Variants in NCAM1 observed in about 807,000 individuals in gnomAD.
NCAM1 encodes neural cell adhesion molecule 1.
A neutral mutation model predicts 109.8 loss-of-function variants in NCAM1; 14 were observed. The ratio of observed to expected loss-of-function variants is 0.13; its 90% CI spans 0.08 to 0.20. The LOEUF (loss-of-function observed/expected upper bound fraction) is 0.20. Ranked by LOEUF, NCAM1 falls within the 10% of genes least tolerant of loss-of-function variation. NCAM1 has a pLI of 1.00. For synonymous variants in NCAM1, 418 were observed against 442.9 expected (o/e 0.94, Z 0.70); for missense variants, 774 against 1,109.9 (o/e 0.70, Z 4.30).
chr11:112,997,001 G>A (rs1407297125), intron 1 of NCAM1, among the ~76,000 whole-genome samples: 1 of 152,130 alleles, frequency 6.6e-6, no homozygotes, highest in Non-Finnish European at 1.5e-5. Context: ...CGAACAGCTG[G>A]CTAAGAGCAG....
intron 1 of NCAM1, among the ~76,000 whole-genome samples, chr11:112,966,104 G>GT (rs1158652688): frequency 6.6e-6 from 1 of 152,168 alleles, no homozygotes; most frequent in Non-Finnish European, 1.5e-5. Context: ...CAGTTTAGCA[G>GT]TTATAACATA....
intron 17 of NCAM1, among the ~76,000 whole-genome samples, chr11:113,262,327 A>G (rs972866796): frequency 3.9e-5 from 6 of 152,212 alleles, no homozygotes; most frequent in Admixed American, 1.3e-4. Flanking sequence ...CAGCGATCCA[A>G]TGCATCTCCA....
chr11:113,021,193 C>T (rs1249176531), intron 1 of NCAM1, among the ~76,000 whole-genome samples: 1 of 152,198 alleles, frequency 6.6e-6, no homozygotes, highest in Non-Finnish European at 1.5e-5. Flanking sequence ...TAAGTGCTTT[C>T]GTCACATTTG....
At chr11:113,042,142 G>T (rs1465170173) in intron 1 of NCAM1, among the ~76,000 whole-genome samples, 1 of 152,138 alleles carries the variant, frequency 6.6e-6, no homozygotes, top group African/African-American at 2.4e-5. Context: ...CCTGAGCCCA[G>T]AGTCCAGCCT....
intron 14 of NCAM1, among the ~76,000 whole-genome samples, chr11:113,237,857 T>TATATATAG (rs1354047925): frequency 6.3e-5 from 7 of 110,634 alleles, no homozygotes; most frequent in Admixed American, 3.3e-4. Flanking sequence ...GGTGAGACCA[T>TATATATAG]ATATATAGAT....
chr11:113,113,673 G>A (rs781878479), intron 1 of NCAM1, among the ~76,000 whole-genome samples: 3 of 151,976 alleles, frequency 2.0e-5, no homozygotes, highest in Non-Finnish European at 2.9e-5. Context: ...GTCGTTGCTT[G>A]TTTCAGCATC....
intron 1 of NCAM1, among the ~76,000 whole-genome samples, chr11:113,019,391 C>T (rs1446091378): frequency 1.3e-5 from 2 of 152,190 alleles, no homozygotes; most frequent in Non-Finnish European, 2.9e-5. Context: ...CTAACATTTG[C>T]CTGATTTCAA....
At chr11:113,267,704 C>T (rs539950956) in intron 17 of NCAM1, among the ~76,000 whole-genome samples, 2 of 152,242 alleles carry the variant, frequency 1.3e-5, no homozygotes, top group East Asian at 1.9e-4. Context: ...AAGGGGAGGC[C>T]GCTGCCCTAC....
At chr11:113,073,282 C>G (rs782786952) in intron 1 of NCAM1, among the ~76,000 whole-genome samples, 6 of 151,918 alleles carry the variant, frequency 3.9e-5, no homozygotes, top group Non-Finnish European at 7.4e-5. Flanking sequence ...ATAACTGCAT[C>G]TCTATGGAGA....
chr11:113,144,594 G>T (rs1941946425), intron 1 of NCAM1, among the ~76,000 whole-genome samples: 1 of 152,180 alleles, frequency 6.6e-6, no homozygotes, highest in Non-Finnish European at 1.5e-5. Flanking sequence ...CAACCTAAGT[G>T]AAAAAGAGCT....
chr11:113,237,863 T>C (rs1308626866), intron 14 of NCAM1, among the ~76,000 whole-genome samples: 3 of 66,088 alleles, frequency 4.5e-5, no homozygotes, highest in Admixed American at 1.8e-4. Flanking sequence ...ACCATATATA[T>C]AGATATATAG....
chr11:113,232,221 A>G lies in NCAM1; in HGVS notation c.1292A>G (p.Gln431Arg), dbSNP rs1285458428. The G allele has an allele frequency of 1.2e-6, 2 of 1,613,590 alleles. No homozygotes were observed. The highest frequency in any genetic ancestry group is 4.5e-5 in the East Asian group (2 of 44,880). The change falls in exon 11 of 20, where the codon CAG (glutamine) becomes CGG (arginine). Residue 431 changes from glutamine (Q) to arginine (R), a missense_variant. Gln to Arg is a conservative substitution (Grantham distance 43, BLOSUM62 1). Around this residue, in one of 4 missense-constraint regions of NCAM1, gnomAD observed 523 missense variants for 784.2 expected, o/e 0.67. Coordinates refer to ENST00000316851, the MANE Select transcript of NCAM1 (RefSeq NM_181351.5). ...GCTGTGTACACTTGGGAGGGGAACCAGGTGAACATCACCTGCGAGGTATTT... is the reference window on the plus strand; with the variant it reads ...GCTGTGTACACTTGGGAGGGGAACCGGGTGAACATCACCTGCGAGGTATTT... ...PVAVYTWEGN[Q>R]VNITCEVFAY...
At chr11:113,241,352 G>A (rs563074425) in intron 14 of NCAM1, among the ~76,000 whole-genome samples, 23 of 152,290 alleles carry the variant, frequency 1.5e-4, no homozygotes, top group South Asian at 1.5e-3. Context: ...AAAATAAACA[G>A]TGTCTGGCAG....
At chr11:113,095,843 G>C (rs1939571607) in intron 1 of NCAM1, among the ~76,000 whole-genome samples, 1 of 152,132 alleles carries the variant, frequency 6.6e-6, no homozygotes, top group African/African-American at 2.4e-5. Context: ...GTGTGACCTT[G>C]AGCAAATTCC....
At chr11:113,143,133 C>G (rs1215356646) in intron 1 of NCAM1, among the ~76,000 whole-genome samples, 4 of 152,254 alleles carry the variant, frequency 2.6e-5, no homozygotes, top group East Asian at 3.9e-4. Context: ...CACGAATTCT[C>G]TAGTATCGTG....
chr11:113,249,887 A>T (rs1262363839), intron 15 of NCAM1, among the ~76,000 whole-genome samples: 1 of 152,146 alleles, frequency 6.6e-6, no homozygotes, highest in Non-Finnish European at 1.5e-5. Context: ...TCACATTCAT[A>T]AATTCCTCAG....
chr11:113,251,799 C>T (rs902043895), intron 15 of NCAM1, among the ~76,000 whole-genome samples: 1 of 152,192 alleles, frequency 6.6e-6, no homozygotes, highest in South Asian at 2.1e-4. Context: ...GCAGCCATCT[C>T]AGAACACAGT....
chr11:113,104,522 G>A (rs1173857608), intron 1 of NCAM1, among the ~76,000 whole-genome samples: 1 of 152,064 alleles, frequency 6.6e-6, no homozygotes, highest in Non-Finnish European at 1.5e-5. Flanking sequence ...ATTGTGAAAA[G>A]ACAACCAGGA....
chr11:113,273,327 G>A lies in NCAM1; in HGVS notation c.2456+1451G>A. ...TGCTGGTGTCGGGGAGGCCTCTAAG[G>A]CTCCTCCGGCCAGCAAGCCCACCCC... On this transcript the variant is annotated intron_variant, in intron 19 of 19. Coordinates refer to ENST00000316851, the MANE Select transcript of NCAM1 (RefSeq NM_181351.5). The surrounding 1 kb of genome is among the most constrained non-coding windows in gnomAD (Gnocchi z 6.0). 1 of 342,508 alleles carries A rather than the reference G, an allele frequency of 2.9e-6. No individual in the cohort carries two copies. Among genetic ancestry groups the A allele is most frequent in the Non-Finnish European group, 5.8e-6 (1 of 172,378 alleles). The allele number at this position is 342,508 out of a possible 1,614,324, so 21.2% of individuals were successfully genotyped here. A position where few individuals can be genotyped will look rare whatever the true frequency, so the allele number is the denominator to read the frequency against.
Sources: allele counts gnomAD v4.1 joint callset (sites outside exome capture counted in the v4.1 genomes callset), GRCh38; gene constraint gnomAD v4.1.1; regional missense constraint gnomAD v4.1.1; non-coding constraint Gnocchi (gnomAD v3.1); transcripts MANE v1.5; gene names NCBI Gene and HGNC (gene_info 2026-07-23, HGNC 2026-07-21).